The following CAMK2B variants were observed in gnomAD, a reference collection of about 807,000 sequenced individuals.
CAMK2B encodes calcium/calmodulin dependent protein kinase II beta, also known as calcium/calmodulin-dependent protein kinase type II subunit beta.
A neutral mutation model predicts 93.7 loss-of-function variants in CAMK2B; 27 were observed. The ratio of observed to expected loss-of-function variants is 0.29; its 90% confidence interval spans 0.21 to 0.40. CAMK2B has a LOEUF of 0.40. Ranked by LOEUF, CAMK2B falls within the 10% of genes least tolerant of loss-of-function variation. The pLI, the probability that CAMK2B is intolerant of heterozygous loss-of-function variation, is 1.00. For synonymous variants in CAMK2B, 374 were observed against 358.8 expected, an observed-to-expected ratio of 1.04 and a Z score of -0.48; for missense variants, 568 against 895.8, an observed-to-expected ratio of 0.63 and a Z score of 4.67.
intron 3 of CAMK2B, 47 bp downstream of exon 3, chr7:44,262,958 G>A (rs775630111): frequency 1.8e-5 from 28 of 1,528,900 alleles, no homozygotes; most frequent in Admixed American, 5.4e-5. Flanking sequence ...GCTGCTGTCC[G>A]GGAGAAGGTG....
In CAMK2B at chr7:44,262,995, G is replaced by A; in HGVS notation, c.220+10C>T. The A allele has an allele frequency of 6.2e-7, 1 of 1,612,356 alleles. No homozygotes were observed. The highest frequency in any genetic ancestry group is 8.5e-7 in the Non-Finnish European group (1 of 1,178,862). ...GGACCCATCCCCGCTCCCTACCCCA[G>A]GCTGCTCACCGATGTTGGAATGCTT... On this transcript the variant is annotated intron_variant, in intron 3 of 23. Transcript: ENST00000395749.
chr7:44,282,459 C>A (rs2097109776), intron 2 of CAMK2B, among the ~76,000 whole-genome samples: 1 of 152,226 alleles, frequency 6.6e-6, no homozygotes, highest in African/African-American at 2.4e-5. Context: ...TCCTCAGTGT[C>A]CCTGCTGAAC....
chr7:44,269,869 G>C (rs893455387), intron 2 of CAMK2B, among the ~76,000 whole-genome samples: 15 of 152,130 alleles, frequency 9.9e-5, no homozygotes, highest in African/African-American at 3.6e-4. Flanking sequence ...CTGCCACCAG[G>C]GTCTGAGGGC....
intron 1 of CAMK2B, among the ~76,000 whole-genome samples, chr7:44,291,876 A>G (rs117996842): frequency 6.6e-6 from 1 of 152,214 alleles, no homozygotes; most frequent in East Asian, 1.9e-4. Context: ...GGCTCATACA[A>G]CCCTAGAGAG....
chr7:44,311,576 G>A lies in CAMK2B; in HGVS notation c.65+13781C>T, dbSNP rs897771216. ...AGCATGTGCCCCTGAGGCTGGCCCC[G>A]GGTGCTTGCAACCCCTCTCAGGGCT... On this transcript the variant is annotated intron_variant, in intron 1 of 23. Transcript: ENST00000395749. This position sits in a 1 kb window ranked among gnomAD's most constrained non-coding sequence, Gnocchi z 4.2. Among the ~76,000 whole-genome samples the A allele has an allele frequency of 1.3e-5, 2 of 152,156 alleles. No individual in the cohort carries two copies. Among genetic ancestry groups the A allele is most frequent in the Non-Finnish European group, 2.9e-5 (2 of 68,026 alleles).
intron 1 of CAMK2B, among the ~76,000 whole-genome samples, chr7:44,288,048 C>T (rs1359439129): frequency 1.3e-5 from 2 of 152,218 alleles, no homozygotes; most frequent in African/African-American, 4.8e-5. Flanking sequence ...AGGGCTTGTC[C>T]AGCCCAGCAG....
intron 15 of CAMK2B, among the ~76,000 whole-genome samples, chr7:44,233,234 C>G (rs1397243182): frequency 6.6e-6 from 1 of 152,038 alleles, no homozygotes; most frequent in Admixed American, 6.5e-5. Context: ...AACCTGTGCC[C>G]CAGCGTGGTG....
At chr7:44,258,378 CCT>C (rs1423202580) in intron 4 of CAMK2B, among the ~76,000 whole-genome samples, 1 of 152,186 alleles carries the variant, frequency 6.6e-6, no homozygotes, top group Non-Finnish European at 1.5e-5. Context: ...CCATATGGAC[CCT>C]GATTTCATGT....
chr7:44,315,088 C>A (rs1241703802), intron 1 of CAMK2B, among the ~76,000 whole-genome samples: 2 of 152,120 alleles, frequency 1.3e-5, no homozygotes, highest in East Asian at 3.8e-4. Context: ...TAATGAAGCC[C>A]AACAGCAAAA....
At chr7:44,261,565 C>T (rs1042801459) in intron 3 of CAMK2B, among the ~76,000 whole-genome samples, 7 of 152,148 alleles carry the variant, frequency 4.6e-5, no homozygotes, top group African/African-American at 1.4e-4. Context: ...CCCACCTCCT[C>T]GGCAGGAAGC....
chr7:44,257,058 C>T (rs1311429817), intron 4 of CAMK2B, among the ~76,000 whole-genome samples: 1 of 152,190 alleles, frequency 6.6e-6, no homozygotes, highest in Non-Finnish European at 1.5e-5. Context: ...GTCCTCTGGG[C>T]GTGCAGGTGT....
At chr7:44,227,886 GA>G (rs2096534222) in intron 19 of CAMK2B, among the ~76,000 whole-genome samples, 1 of 133,952 alleles carries the variant, frequency 7.5e-6, no homozygotes, top group African/African-American at 2.8e-5. Flanking sequence ...GACAGAGGGG[GA>G]TGTAGGGATA....
chr7:44,221,792 C>T (rs969484651), intron 20 of CAMK2B, among the ~76,000 whole-genome samples: 5 of 152,250 alleles, frequency 3.3e-5, no homozygotes, highest in African/African-American at 1.2e-4. Context: ...CACTGGCAGC[C>T]TGCATTGCTG....
chr7:44,307,055 G>A (rs1197549805), intron 1 of CAMK2B, among the ~76,000 whole-genome samples: 5 of 111,306 alleles, frequency 4.5e-5, no homozygotes, highest in Non-Finnish European at 5.5e-5. Context: ...GGTGAGCAGG[G>A]GGAGGAGGGT....
rs1385067829 is a variant in CAMK2B at position 44,237,413 on chromosome 7, G to C, written c.1021+2176C>G. 1.1e-4 allele frequency among the ~76,000 whole-genome samples: 17 copies of C among 152,212 alleles called. 1 individual carries two copies. Among genetic ancestry groups the C allele is most frequent in the Admixed American group, 1.1e-3 (17 of 15,286 alleles). On this transcript the variant is annotated intron_variant, in intron 13 of 23. Coordinates refer to ENST00000395749, the MANE Select transcript of CAMK2B (RefSeq NM_001220.5). ...AACCAGCCCTCCTCGAAGGACTCAG[G>C]CCGACGCTGCCATCAGAGCTCTGGG...
chr7:44,237,856 C>T (rs2096640658), intron 13 of CAMK2B, among the ~76,000 whole-genome samples: 1 of 152,226 alleles, frequency 6.6e-6, no homozygotes, highest in Non-Finnish European at 1.5e-5. Context: ...TGGGAAGGCA[C>T]TGCCCATTCC....
intron 1 of CAMK2B, among the ~76,000 whole-genome samples, chr7:44,294,791 T>C (rs1200120050): frequency 1.3e-5 from 2 of 152,030 alleles, no homozygotes; most frequent in African/African-American, 4.8e-5. Flanking sequence ...CTCTCTAAGA[T>C]CAAACAGAAC....
chr7:44,318,887 G>A (rs1795412303), intron 1 of CAMK2B, among the ~76,000 whole-genome samples: 1 of 152,184 alleles, frequency 6.6e-6, no homozygotes, highest in African/African-American at 2.4e-5. Context: ...ATGTCCACCA[G>A]GAACTGAGCC....
rs1284358815 is a variant in CAMK2B at position 44,224,988 on chromosome 7, ACGAATCTCCATC to A, written c.1597+1516_1597+1527del. ...GCCCAGCCCCTCCCAGGAGGGCCAC[ACGAATCTCCATC>A]CTGCCCTGCTCACAGCTCCTTCCTG... On this transcript the variant is annotated intron_variant, in intron 20 of 23. Transcript: ENST00000395749. This position sits in a 1 kb window ranked among gnomAD's most constrained non-coding sequence, Gnocchi z 4.4. Among the ~76,000 whole-genome samples, 2 of 151,462 alleles carry A rather than the reference ACGAATCTCCATC, an allele frequency of 1.3e-5. No individual in the cohort carries two copies. The highest frequency in any genetic ancestry group is 2.9e-5 in the Non-Finnish European group (2 of 67,850).
Sources: allele counts gnomAD v4.1 joint callset (sites outside exome capture counted in the v4.1 genomes callset), GRCh38; gene constraint gnomAD v4.1.1; non-coding constraint Gnocchi (gnomAD v3.1); transcripts MANE v1.5; gene names NCBI Gene and HGNC (gene_info 2026-07-23, HGNC 2026-07-21).